The following PCDHGB2 variants were observed in gnomAD, a reference collection of about 807,000 sequenced individuals.
PCDHGB2 encodes protocadherin gamma-B2.
Under a neutral mutation model 59.3 loss-of-function variants are expected in PCDHGB2, and 55 were observed. The ratio of observed to expected loss-of-function variants is 0.93; its 90% CI spans 0.75 to 1.16. PCDHGB2 has a LOEUF of 1.16. Ranked by LOEUF, PCDHGB2 falls within the 50% of genes most tolerant of loss-of-function variation. PCDHGB2 has a pLI of 0.00. For missense variants in PCDHGB2, 1,228 were observed against 1,198.5 expected, an observed-to-expected ratio of 1.02 and a Z score of -0.36; for synonymous variants, 516 against 512.0, an observed-to-expected ratio of 1.01 and a Z score of -0.11.
intron 1 of PCDHGB2, chr5:141,441,088 G>A (rs1050261040): frequency 3.9e-5 from 6 of 152,162 alleles, no homozygotes; most frequent in African/African-American, 1.4e-4. Context: ...GGTAGCAAGT[G>A]ACAGAGAGGG....
In PCDHGB2 at chr5:141,431,304, T is replaced by G. The variant is rs749116196; in HGVS notation, c.2422-63503T>G. The G allele has an allele frequency of 7.4e-6, 12 of 1,614,104 alleles. No individual in the cohort carries two copies. Among genetic ancestry groups the G allele is most frequent in the Non-Finnish European group, 9.3e-6 (11 of 1,180,030 alleles). On this transcript the variant is annotated intron_variant, in intron 1 of 3. Coordinates refer to ENST00000522605, the MANE Select transcript of PCDHGB2 (RefSeq NM_018923.3). The surrounding 1 kb of genome is among the most constrained non-coding windows in gnomAD (Gnocchi z 4.8). ...CCGAACACTCACTTCTCCCTCATCGTGCAAAATGGAGCCGACGGTAGTAAG... is the reference window on the plus strand; with the variant it reads ...CCGAACACTCACTTCTCCCTCATCGGGCAAAATGGAGCCGACGGTAGTAAG...
chr5:141,494,815 G>T lies in PCDHGB2; in HGVS notation c.2430G>T (p.Pro810=). The change falls in exon 2 of 4, where the codon CCG becomes CCT. Residue 810 remains proline, a synonymous_variant. Transcript: ENST00000522605. ...CTCTGTTTTCTCCACAGCAAGCCCC[G>T]CCCAACACGGACTGGCGTTTCTCTC... The part of the protein sequence containing the change: ...FASDTILKQA[P]PNTDWRFSQA... 1.2e-6 allele frequency: 2 copies of T among 1,613,976 alleles called. No individual in the cohort carries two copies. The highest frequency in any genetic ancestry group is 1.1e-5 in the South Asian group (1 of 91,072).
At chr5:141,369,230 G>A (rs1003711294) in intron 1 of PCDHGB2, among the ~76,000 whole-genome samples, 4 of 152,068 alleles carry the variant, frequency 2.6e-5, no homozygotes, top group Non-Finnish European at 4.4e-5. Flanking sequence ...TGGACAGGAA[G>A]ATTACTTATA....
chr5:141,379,862 T>G (rs1157385498), intron 1 of PCDHGB2, among the ~76,000 whole-genome samples: 2 of 150,480 alleles, frequency 1.3e-5, no homozygotes, highest in African/African-American at 4.9e-5. Flanking sequence ...TATTGTCTTA[T>G]TCTTATTTTA....
At chr5:141,413,352 G>T in intron 1 of PCDHGB2, 11 of 1,613,976 alleles carry the variant, frequency 6.8e-6, no homozygotes, top group Non-Finnish European at 9.3e-6. Flanking sequence ...TGGGTCTGGC[G>T]CCCCGGGAGC....
intron 1 of PCDHGB2, among the ~76,000 whole-genome samples, chr5:141,492,631 A>G (rs1203365582): frequency 6.6e-6 from 1 of 152,184 alleles, no homozygotes; most frequent in Non-Finnish European, 1.5e-5. Flanking sequence ...GCAGGACTCT[A>G]CGATCCTTGG....
chr5:141,463,208 C>G (rs895284460), intron 1 of PCDHGB2, among the ~76,000 whole-genome samples: 1 of 152,090 alleles, frequency 6.6e-6, no homozygotes, highest in African/African-American at 2.4e-5. Flanking sequence ...CTTGGGGATC[C>G]ATATTAATAT....
chr5:141,475,202 G>T (rs746895166), intron 1 of PCDHGB2, among the ~76,000 whole-genome samples: 38 of 152,086 alleles, frequency 2.5e-4, no homozygotes, highest in Non-Finnish European at 5.3e-4. Context: ...CAAGATCTTG[G>T]GAAAAGGATT....
chr5:141,428,293 C>T, intron 1 of PCDHGB2: 1 of 716,436 alleles, frequency 1.4e-6, no homozygotes, highest in South Asian at 1.6e-5. Context: ...AGCAAAGCTG[C>T]AGATTTACCT....
chr5:141,485,260 G>C lies in PCDHGB2; in HGVS notation c.2422-9547G>C. ...TTTACCACCTGGGTTACGTTTGTGG[G>C]CAGATCCGCTACCCGGTCCCAGAGG... is the stretch of plus-strand genomic sequence containing the variant. On this transcript the variant is annotated intron_variant, in intron 1 of 3. Transcript: ENST00000522605. The surrounding 1 kb of genome is among the most constrained non-coding windows in gnomAD (Gnocchi z 5.7). 1 of 1,614,122 alleles carries C rather than the reference G, an allele frequency of 6.2e-7. No homozygotes were observed. The highest frequency in any genetic ancestry group is 8.5e-7 in the Non-Finnish European group (1 of 1,179,966).
chr5:141,423,082 G>A (rs1390567548), intron 1 of PCDHGB2: 3 of 1,614,078 alleles, frequency 1.9e-6, no homozygotes, highest in Admixed American at 1.7e-5. Flanking sequence ...GGGACTCTTC[G>A]CGGTGGGGGA....
intron 1 of PCDHGB2, among the ~76,000 whole-genome samples, chr5:141,369,166 G>C (rs1766070013): frequency 6.6e-6 from 1 of 152,148 alleles, no homozygotes; most frequent in African/African-American, 2.4e-5. Context: ...AGGGAAAAGT[G>C]TAAATAACAA....
chr5:141,407,009 T>C (rs1388688972), intron 1 of PCDHGB2, among the ~76,000 whole-genome samples: 1 of 152,198 alleles, frequency 6.6e-6, no homozygotes, highest in Non-Finnish European at 1.5e-5. Flanking sequence ...AGCTTTGAAG[T>C]TGACTCAAAA....
At chr5:141,375,991 C>G in intron 1 of PCDHGB2, 1 of 1,613,448 alleles carries the variant, frequency 6.2e-7, no homozygotes, top group Non-Finnish European at 8.5e-7. Context: ...TGGACAGAGA[C>G]GCGCTCAAGC....
Position 141,476,715 on chromosome 5 carries a change from G to C in PCDHGB2, c.2422-18092G>C. 6.2e-7 allele frequency: 1 copy of C among 1,614,168 alleles called. No individual in the cohort carries two copies. The highest frequency in any genetic ancestry group is 8.5e-7 in the Non-Finnish European group (1 of 1,180,030). On this transcript the variant is annotated intron_variant, in intron 1 of 3. Transcript: ENST00000522605. The surrounding 1 kb of genome is among the most constrained non-coding windows in gnomAD (Gnocchi z 7.6). ...AAGTACGCGGAGCTGGTGTTGGAGC[G>C]CGCCCTGGACCGAGAACGGGAGCCT...
intron 1 of PCDHGB2, chr5:141,366,866 T>G (rs998309813): frequency 7.1e-7 from 1 of 1,402,360 alleles, no homozygotes; most frequent in Admixed American, 2.4e-5. Flanking sequence ...TTATTTGCTG[T>G]ATTGGAGATT....
At chr5:141,400,456 T>C (rs1439726103) in intron 1 of PCDHGB2, 2 of 1,614,090 alleles carry the variant, frequency 1.2e-6, no homozygotes, top group Non-Finnish European at 1.7e-6. Flanking sequence ...AGACATACTT[T>C]GTGGTGATTC....
chr5:141,381,518 A>AT (rs1173205402), intron 1 of PCDHGB2, among the ~76,000 whole-genome samples: 1 of 152,222 alleles, frequency 6.6e-6, no homozygotes, highest in Non-Finnish European at 1.5e-5. Context: ...TAGGATGAAG[A>AT]TTTGAATTGC....
chr5:141,366,798 T>C, intron 1 of PCDHGB2: 1 of 1,567,294 alleles, frequency 6.4e-7, no homozygotes, highest in Non-Finnish European at 8.7e-7. Context: ...TTTCATTTGT[T>C]TCCTTTTTCA....
Sources: allele counts gnomAD v4.1 joint callset (sites outside exome capture counted in the v4.1 genomes callset), GRCh38; gene constraint gnomAD v4.1.1; non-coding constraint Gnocchi (gnomAD v3.1); transcripts MANE v1.5; gene names NCBI Gene and HGNC (gene_info 2026-07-23, HGNC 2026-07-21).